Variants in ZDHHC14 observed in about 807,000 individuals in gnomAD.
The protein encoded by ZDHHC14 is palmitoyltransferase ZDHHC14.
ZDHHC14 carries 16 observed loss-of-function variants against 47.7 expected under a neutral mutation model. That is an observed-to-expected ratio of 0.34 (90% CI 0.23 to 0.51). The LOEUF (loss-of-function observed/expected upper bound fraction) is 0.51. ZDHHC14 is among the 20% of genes least tolerant of loss of function. ZDHHC14 has a pLI of 0.97. For synonymous variants in ZDHHC14, 293 were observed against 278.9 expected, an observed-to-expected ratio of 1.05 and a Z score of -0.50; for missense variants, 515 against 662.5, an observed-to-expected ratio of 0.78 and a Z score of 2.44.
intron 3 of ZDHHC14, among the ~76,000 whole-genome samples, chr6:157,613,466 T>A (rs931969892): frequency 2.0e-5 from 3 of 152,158 alleles, no homozygotes; most frequent in Admixed American, 2.0e-4. Context: ...AGTAGCTCCT[T>A]CTGAGTAGGC....
chr6:157,518,501 A>G (rs1204825850), intron 1 of ZDHHC14, among the ~76,000 whole-genome samples: 1 of 152,126 alleles, frequency 6.6e-6, no homozygotes, highest in African/African-American at 2.4e-5. Flanking sequence ...ATGAGGAGCA[A>G]GTTAAAATCT....
rs148855245 is a variant in ZDHHC14 at position 157,512,559 on chromosome 6, G to A, written c.246-30026G>A. On this transcript the variant is annotated intron_variant, in intron 1 of 8. Transcript: ENST00000359775. ...ATAAATTGCTTATTTAGAAATGGGCGAGGCCAGGTGCAGTGGCTCACATCT... is the reference window on the plus strand; with the variant it reads ...ATAAATTGCTTATTTAGAAATGGGCAAGGCCAGGTGCAGTGGCTCACATCT... 2.4e-3 allele frequency among the ~76,000 whole-genome samples: 366 copies of A among 152,284 alleles called. 1 individual carries two copies. The highest frequency in any genetic ancestry group is 5.4e-3 in the Admixed American group (82 of 15,310).
At chr6:157,579,056 C>T (rs1311606482) in intron 2 of ZDHHC14, among the ~76,000 whole-genome samples, 1 of 151,822 alleles carries the variant, frequency 6.6e-6, no homozygotes, top group Admixed American at 6.6e-5. Flanking sequence ...TATTCTGGCT[C>T]TTTTTTAGTT....
chr6:157,588,262 CAAATAAATAAATATAT>C (rs1783769534), intron 2 of ZDHHC14, among the ~76,000 whole-genome samples: 1 of 150,978 alleles, frequency 6.6e-6, no homozygotes. Flanking sequence ...CTCCATCTCT[CAAATAAATAAATATAT>C]AAATAAATAA....
intron 5 of ZDHHC14, among the ~76,000 whole-genome samples, chr6:157,640,684 A>AC (rs1009804434): frequency 3.3e-5 from 5 of 152,134 alleles, no homozygotes; most frequent in Non-Finnish European, 5.9e-5. Flanking sequence ...ACTTCCTGCT[A>AC]CCCCTAACCA....
At chr6:157,672,217 C>T (rs986964793) in intron 8 of ZDHHC14, among the ~76,000 whole-genome samples, 6 of 152,280 alleles carry the variant, frequency 3.9e-5, no homozygotes, top group Middle Eastern at 3.4e-3. Flanking sequence ...GTGTCTACAC[C>T]GCACCTTGTC....
intron 1 of ZDHHC14, among the ~76,000 whole-genome samples, chr6:157,449,877 A>G (rs991768512): frequency 1.3e-5 from 2 of 152,120 alleles, no homozygotes; most frequent in African/African-American, 2.4e-5. Context: ...AGACAGATTT[A>G]TGGTTTGAAT....
intron 1 of ZDHHC14, among the ~76,000 whole-genome samples, chr6:157,417,747 G>A (rs775520685): frequency 3.3e-5 from 5 of 152,196 alleles, no homozygotes; most frequent in Non-Finnish European, 7.3e-5. Context: ...TTGGGAGGCC[G>A]AGGCGGGCGG....
At chr6:157,387,358 T>G (rs1420531266) in intron 1 of ZDHHC14, among the ~76,000 whole-genome samples, 1 of 152,184 alleles carries the variant, frequency 6.6e-6, no homozygotes, top group Non-Finnish European at 1.5e-5. Context: ...CTGTTATAGA[T>G]GGGTAACTTA....
At chr6:157,473,255 T>C in intron 1 of ZDHHC14, among the ~76,000 whole-genome samples, 1 of 152,250 alleles carries the variant, frequency 6.6e-6, no homozygotes, top group Middle Eastern at 3.2e-3. Flanking sequence ...ACAATAGAGC[T>C]GTTGAATCTG....
chr6:157,578,747 C>T (rs1478427709), intron 2 of ZDHHC14, among the ~76,000 whole-genome samples: 1 of 152,230 alleles, frequency 6.6e-6, no homozygotes, highest in Non-Finnish European at 1.5e-5. Flanking sequence ...CCTGCTTGCA[C>T]TCACTGTGTC....
intron 1 of ZDHHC14, among the ~76,000 whole-genome samples, chr6:157,512,503 C>T (rs1780530560): frequency 6.6e-6 from 1 of 152,220 alleles, no homozygotes; most frequent in Non-Finnish European, 1.5e-5. Context: ...GCCACACACA[C>T]ATGCACACTT....
intron 3 of ZDHHC14, among the ~76,000 whole-genome samples, chr6:157,611,158 C>T (rs948809988): frequency 6.6e-6 from 1 of 152,132 alleles, no homozygotes; most frequent in East Asian, 1.9e-4. Context: ...CGCCACCATG[C>T]CCAGCTAATT....
intron 2 of ZDHHC14, among the ~76,000 whole-genome samples, chr6:157,567,670 A>C (rs1352577103): frequency 6.6e-6 from 1 of 152,140 alleles, no homozygotes; most frequent in Non-Finnish European, 1.5e-5. Context: ...TACAAAAATT[A>C]GCCAGATGTG....
At position 157,570,849 on chromosome 6, in the gene ZDHHC14, A is replaced by G. The variant is rs1275937469; in HGVS notation, c.407-22139A>G. On this transcript the variant is annotated intron_variant, in intron 2 of 8. Transcript: ENST00000359775. The stretch of plus-strand genomic sequence containing the variant: ...TATATATACACACACACATACATCT[A>G]TATTGCCCTTCTGAGTCTGGGCAGC... Among the ~76,000 whole-genome samples, 4 of 152,036 alleles carry G rather than the reference A, an allele frequency of 2.6e-5. No homozygotes were observed. The East Asian group carries it at 5.8e-4, about 22-fold the overall frequency.
At position 157,463,436 on chromosome 6, in the gene ZDHHC14, A is replaced by C. The variant is rs1779141190; in HGVS notation, c.246-79149A>C. ...CCTCCAGAGGTCTTAAAAGCACCCC[A>C]AAATGTGTAGCCCTGCCCCTATACA... On this transcript the variant is annotated intron_variant, in intron 1 of 8. Transcript: ENST00000359775. This position sits in a 1 kb window ranked among gnomAD's most constrained non-coding sequence, Gnocchi z 4.4. 6.6e-6 allele frequency among the ~76,000 whole-genome samples: 1 copy of C among 152,164 alleles called. No individual in the cohort carries two copies. The highest frequency in any genetic ancestry group is 2.4e-5 in the African/African-American group (1 of 41,442).
chr6:157,487,769 G>A (rs1755156944), intron 1 of ZDHHC14, among the ~76,000 whole-genome samples: 1 of 152,190 alleles, frequency 6.6e-6, no homozygotes, highest in Admixed American at 6.5e-5. Flanking sequence ...GAGCTAAAGG[G>A]AGATGTCAGG....
intron 3 of ZDHHC14, 87 bp downstream of exon 3, chr6:157,593,233 A>C: frequency 6.9e-7 from 1 of 1,452,938 alleles, no homozygotes; most frequent in Non-Finnish European, 9.3e-7. Flanking sequence ...CGGAACACTC[A>C]GTAATGGTTA....
chr6:157,608,856 C>T (rs1260061937), intron 3 of ZDHHC14, among the ~76,000 whole-genome samples: 1 of 152,130 alleles, frequency 6.6e-6, no homozygotes, highest in African/African-American at 2.4e-5. Context: ...CCCCACAGGG[C>T]GGGACAGGGC....
Sources: allele counts gnomAD v4.1 joint callset (sites outside exome capture counted in the v4.1 genomes callset), GRCh38; gene constraint gnomAD v4.1.1; non-coding constraint Gnocchi (gnomAD v3.1); transcripts MANE v1.5; gene names NCBI Gene and HGNC (gene_info 2026-07-23, HGNC 2026-07-21).